UACA: variants seen among roughly 807,000 people sequenced by gnomAD.
UACA encodes the protein uveal autoantigen with coiled-coil domains and ankyrin repeats.
In UACA, 112 loss-of-function variants were observed where a neutral mutation model predicts 160.5. That is an observed-to-expected ratio of 0.70 (90% CI 0.60 to 0.82). The LOEUF (loss-of-function observed/expected upper bound fraction) is 0.82, where lower values mean the gene tolerates loss of function less well. Ranked by LOEUF, UACA falls within the 40% of genes least tolerant of loss-of-function variation. The pLI, the probability that UACA is intolerant of heterozygous loss-of-function variation, is 0.00. For missense variants in UACA, 1,574 were observed against 1,614.6 expected (o/e 0.97, Z 0.43); for synonymous variants, 557 against 568.4 (o/e 0.98, Z 0.29).
chr15:70,728,887 C>T (rs373417374), intron 1 of UACA, among the ~76,000 whole-genome samples: 15 of 152,074 alleles, frequency 9.9e-5, no homozygotes, highest in African/African-American at 2.4e-4. Flanking sequence ...GAACATGAAC[C>T]GACACCTCTC....
At chr15:70,702,992 GAA>G in intron 1 of UACA, 4 of 669,670 alleles carry the variant, frequency 6.0e-6, no homozygotes, top group African/African-American at 2.0e-5. Context: ...TTCACTGGAT[GAA>G]AAAAAAAACT....
At chr15:70,750,646 C>T (rs1405874927) in intron 1 of UACA, among the ~76,000 whole-genome samples, 3 of 152,168 alleles carry the variant, frequency 2.0e-5, no homozygotes, top group East Asian at 1.9e-4. Flanking sequence ...ATGGGAGGAT[C>T]GCTTGAGCCC....
intron 1 of UACA, among the ~76,000 whole-genome samples, chr15:70,761,122 T>TA (rs981713899): frequency 1.9e-4 from 28 of 149,760 alleles, no homozygotes; most frequent in African/African-American, 4.6e-4. Context: ...TTTACAGTTT[T>TA]AAAAAAAAAA....
chr15:70,778,718 T>C, the UACA span: 1 of 152,232 alleles, frequency 6.6e-6, no homozygotes, highest in Non-Finnish European at 1.5e-5. Flanking sequence ...TCATTGCATG[T>C]CATTATACTG....
intron 1 of UACA, among the ~76,000 whole-genome samples, chr15:70,729,015 T>A (rs887708846): frequency 6.6e-6 from 1 of 152,116 alleles, no homozygotes; most frequent in African/African-American, 2.4e-5. Context: ...AGAATGGCTA[T>A]TATTATAAAG....
chr15:70,694,092 AAACT>A (rs1377238294), intron 3 of UACA, among the ~76,000 whole-genome samples: 4 of 152,162 alleles, frequency 2.6e-5, no homozygotes, highest in Non-Finnish European at 4.4e-5. Context: ...AAAACTGTAA[AAACT>A]AACAAACAAA....
chr15:70,736,510 C>T (rs1899372094), intron 1 of UACA, among the ~76,000 whole-genome samples: 2 of 152,114 alleles, frequency 1.3e-5, no homozygotes, highest in Non-Finnish European at 2.9e-5. Context: ...TCTTGGCTCA[C>T]TCTAACCTGC....
chr15:70,719,160 C>A (rs1452983234), intron 1 of UACA, among the ~76,000 whole-genome samples: 1 of 151,668 alleles, frequency 6.6e-6, no homozygotes, highest in Non-Finnish European at 1.5e-5. Flanking sequence ...AGAGAAGAGG[C>A]TCAGAAAAGG....
At chr15:70,773,727 G>A in the UACA span, among the ~76,000 whole-genome samples, 4 of 152,146 alleles carry the variant, frequency 2.6e-5, no homozygotes, top group African/African-American at 9.7e-5. Flanking sequence ...AGGGAGATGG[G>A]CAATGAAGAA....
At chr15:70,761,967 AAC>A (rs796970516) in intron 1 of UACA, among the ~76,000 whole-genome samples, 30 of 152,352 alleles carry the variant, frequency 2.0e-4, no homozygotes, top group African/African-American at 6.7e-4. Context: ...TAAGGCTAAA[AAC>A]ACAACTTGCA....
At chr15:70,705,907 G>A (rs2140974487) in intron 1 of UACA, among the ~76,000 whole-genome samples, 2 of 152,230 alleles carry the variant, frequency 1.3e-5, no homozygotes, top group Middle Eastern at 3.4e-3. Context: ...GATTTCTGAT[G>A]TGATAATCTT....
intron 12 of UACA, 35 bp downstream of exon 12, chr15:70,677,073 C>T (rs1282733598): frequency 6.4e-7 from 1 of 1,557,668 alleles, no homozygotes; most frequent in Non-Finnish European, 8.8e-7. Flanking sequence ...ATTCCTAAAA[C>T]AATTTTAATG....
chr15:70,710,495 C>T (rs945752946), intron 1 of UACA, among the ~76,000 whole-genome samples: 6 of 152,154 alleles, frequency 3.9e-5, no homozygotes, highest in African/African-American at 1.4e-4. Flanking sequence ...ACACTAGCTA[C>T]CTGGAGATAG....
intron 2 of UACA, among the ~76,000 whole-genome samples, chr15:70,698,088 T>C (rs1898197994): frequency 1.3e-5 from 2 of 152,038 alleles, no homozygotes; most frequent in South Asian, 4.1e-4. Flanking sequence ...CTACTCTCTA[T>C]GATGAAAACT....
intron 1 of UACA, among the ~76,000 whole-genome samples, chr15:70,718,923 A>T (rs1487333491): frequency 6.6e-6 from 1 of 152,220 alleles, no homozygotes; most frequent in Admixed American, 6.5e-5. Flanking sequence ...ATAACTTGGC[A>T]AAAAGATTAT....
intron 1 of UACA, among the ~76,000 whole-genome samples, chr15:70,746,788 G>C (rs983789336): frequency 3.9e-5 from 6 of 152,082 alleles, no homozygotes; most frequent in African/African-American, 1.4e-4. Flanking sequence ...ATTCACCATG[G>C]AATACTAGGC....
rs1479529693 is a variant in UACA, at chr15:70,729,874, A to C, written c.79-30214T>G. ...GCCTAACTGGGAGGCACCCCCCAGC[A>C]GGGGCACACTGACACCTCACACGGC... is the stretch of plus-strand genomic sequence containing the variant. On this transcript the variant is annotated intron_variant, in intron 1 of 18. Transcript: ENST00000322954. Among the ~76,000 whole-genome samples, 25 of 117,514 alleles carry C rather than the reference A, an allele frequency of 2.1e-4. 2 individuals carry two copies. The highest frequency in any genetic ancestry group is 4.9e-4 in the Admixed American group (6 of 12,186). 77.1% of individuals were successfully genotyped at this position (117,514 alleles called of 152,430 possible). A position where few individuals can be genotyped will look rare whatever the true frequency, so the allele number is the denominator to read the frequency against.
intron 1 of UACA, among the ~76,000 whole-genome samples, chr15:70,740,552 G>A (rs966813058): frequency 1.3e-5 from 2 of 148,470 alleles, no homozygotes; most frequent in Non-Finnish European, 3.0e-5. Context: ...CAGGAGGATC[G>A]TTTGAGCCCA....
At position 70,683,482 on chromosome 15, in the gene UACA, G is replaced by A. The variant is rs549523626; in HGVS notation, c.785-687C>T. ...CTCAGTGATTCAATTTCTAGGAACC[G>A]ACCCTAAAGGGTAATAAAAATATAC... On this transcript the variant is annotated intron_variant, in intron 8 of 18. Coordinates refer to ENST00000322954, the MANE Select transcript of UACA (RefSeq NM_018003.4). Among the ~76,000 whole-genome samples the A allele has an allele frequency of 1.1e-4, 17 of 152,228 alleles. No homozygotes were observed. In the South Asian group the frequency reaches 1.9e-3, roughly 17 times the overall value.
Sources: allele counts gnomAD v4.1 joint callset (sites outside exome capture counted in the v4.1 genomes callset), GRCh38; gene constraint gnomAD v4.1.1; transcripts MANE v1.5; gene names NCBI Gene and HGNC (gene_info 2026-07-23, HGNC 2026-07-21).